SLC24A2: variants seen among roughly 807,000 people sequenced by gnomAD.
The protein encoded by SLC24A2 is solute carrier family 24 member 2, also known as sodium/potassium/calcium exchanger 2.
A neutral mutation model predicts 62.0 loss-of-function variants in SLC24A2; 36 were observed. The observed-to-expected ratio is 0.58, with a 90% CI of 0.44 to 0.77. SLC24A2 has a LOEUF of 0.77. SLC24A2 is among the 30% of genes least tolerant of loss of function. SLC24A2 has a pLI of 0.00. For synonymous variants in SLC24A2, 358 were observed against 294.0 expected (o/e 1.22, Z -2.23); for missense variants, 846 against 817.9 (o/e 1.03, Z -0.42).
intron 2 of SLC24A2, among the ~76,000 whole-genome samples, chr9:19,733,722 C>A (rs1350320953): frequency 6.6e-6 from 1 of 152,128 alleles, no homozygotes; most frequent in African/African-American, 2.4e-5. Context: ...CTCTGGACCC[C>A]TGATTTTCTC....
intron 2 of SLC24A2, among the ~76,000 whole-genome samples, chr9:19,778,592 G>A (rs1050132262): frequency 1.3e-5 from 2 of 152,138 alleles, no homozygotes; most frequent in African/African-American, 2.4e-5. Flanking sequence ...GCACAGGCTC[G>A]CTCATACGGG....
chr9:20,157,936 T>A, the SLC24A2 span, among the ~76,000 whole-genome samples: 1 of 151,534 alleles, frequency 6.6e-6, no homozygotes, highest in Admixed American at 6.6e-5. Flanking sequence ...AACCCAGTGC[T>A]ATGCAAAGAT....
the SLC24A2 span, among the ~76,000 whole-genome samples, chr9:19,828,705 G>T: frequency 6.6e-6 from 1 of 152,176 alleles, no homozygotes; most frequent in East Asian, 1.9e-4. Context: ...TTGGACAGCT[G>T]CAAGGAATTA....
the SLC24A2 span, among the ~76,000 whole-genome samples, chr9:20,130,517 G>C: frequency 6.6e-6 from 1 of 151,928 alleles, no homozygotes; most frequent in East Asian, 1.9e-4. Context: ...GGCAGGAAAG[G>C]CTTTGGGTTG....
chr9:20,081,782 T>A, the SLC24A2 span, among the ~76,000 whole-genome samples: 2 of 152,120 alleles, frequency 1.3e-5, no homozygotes, highest in Admixed American at 1.3e-4. Flanking sequence ...TGGCCTATAT[T>A]TTTCATATTC....
Position 19,786,598 on chromosome 9 carries a change from A to G in SLC24A2, c.269T>C (p.Leu90Ser). Residue 90 changes from leucine (L) to serine (S), a missense_variant, in exon 2 of 11, where the codon TTA (leucine) becomes TCA (serine). Coordinates refer to ENST00000341998, the MANE Select transcript of SLC24A2 (RefSeq NM_020344.4). The surrounding 1 kb of genome is among the most constrained non-coding windows in gnomAD (Gnocchi z 5.0). ...AGTATAATCCAGAATCTTGTCATTT[A>G]AATCTAAGAGAGTTCTCTGATGGTA... ...QGYHQRTLLDLNDKILDYTPQ... is the reference protein window; with the variant it reads ...QGYHQRTLLDSNDKILDYTPQ... 6.2e-7 allele frequency: 1 copy of G among 1,614,178 alleles called. No individual in the cohort carries two copies. The highest frequency in any genetic ancestry group is 1.1e-5 in the South Asian group (1 of 91,084).
At position 19,714,325 on chromosome 9, in the gene SLC24A2, G is replaced by A. The variant is rs532331946; in HGVS notation, c.930+71612C>T. On this transcript the variant is annotated intron_variant, in intron 2 of 10. Transcript: ENST00000341998. ...CTCTTCCAGATGGGGTGCAGCACTC[G>A]CAGAACCATAAAGGCAGCATCCCAA... Among the ~76,000 whole-genome samples the A allele has an allele frequency of 9.9e-5, 15 of 152,272 alleles. No homozygotes were observed. The South Asian group carries it at 2.5e-3, about 25-fold the overall frequency.
chr9:19,946,586 T>C, the SLC24A2 span, among the ~76,000 whole-genome samples: 9 of 152,140 alleles, frequency 5.9e-5, no homozygotes, highest in Non-Finnish European at 4.4e-5. Context: ...ATGCAGACAG[T>C]TTCCAGACAG....
intron 2 of SLC24A2, among the ~76,000 whole-genome samples, chr9:19,653,597 A>C (rs1038762739): frequency 3.3e-5 from 5 of 152,222 alleles, no homozygotes; most frequent in Non-Finnish European, 7.3e-5. Context: ...TATGCTGACA[A>C]GCTTGATATA....
At chr9:20,087,693 G>A in the SLC24A2 span, among the ~76,000 whole-genome samples, 3 of 152,170 alleles carry the variant, frequency 2.0e-5, no homozygotes, top group Non-Finnish European at 4.4e-5. Context: ...TTGGAGGCTG[G>A]CCAAGATGGC....
the SLC24A2 span, among the ~76,000 whole-genome samples, chr9:19,853,030 A>G: frequency 2.0e-5 from 3 of 152,028 alleles, no homozygotes; most frequent in Non-Finnish European, 2.9e-5. Flanking sequence ...GAGGTCCTTC[A>G]CTTCCCTTGT....
chr9:19,605,844 G>A (rs528642815), intron 4 of SLC24A2, among the ~76,000 whole-genome samples: 23 of 152,336 alleles, frequency 1.5e-4, no homozygotes, highest in Non-Finnish European at 2.8e-4. Flanking sequence ...AGGAAGCTGA[G>A]TTACAGAGAA....
chr9:20,220,238 G>A, the SLC24A2 span, among the ~76,000 whole-genome samples: 1 of 152,066 alleles, frequency 6.6e-6, no homozygotes, highest in Non-Finnish European at 1.5e-5. Flanking sequence ...TAGAGAAATG[G>A]AAGTCATTCT....
chr9:19,856,577 C>A, the SLC24A2 span, among the ~76,000 whole-genome samples: 13 of 152,266 alleles, frequency 8.5e-5, no homozygotes, highest in Admixed American at 7.9e-4. Context: ...AGGGTCCACT[C>A]CAGACCCTAT....
the SLC24A2 span, among the ~76,000 whole-genome samples, chr9:19,991,050 A>G: frequency 6.6e-6 from 1 of 151,396 alleles, no homozygotes; most frequent in Admixed American, 6.6e-5. Context: ...ACATACATAC[A>G]TACATACATA....
chr9:19,735,878 G>A (rs1418109307), intron 2 of SLC24A2, among the ~76,000 whole-genome samples: 1 of 151,894 alleles, frequency 6.6e-6, no homozygotes, highest in East Asian at 1.9e-4. Flanking sequence ...GGAAGGGGGA[G>A]GATAGCATTA....
the SLC24A2 span, among the ~76,000 whole-genome samples, chr9:20,167,753 C>G: frequency 2.0e-5 from 3 of 151,982 alleles, 1 homozygote; most frequent in African/African-American, 7.2e-5. Context: ...TGGGTCTCAC[C>G]TTTTCACTCA....
the SLC24A2 span, among the ~76,000 whole-genome samples, chr9:20,223,982 A>T: frequency 6.6e-6 from 1 of 152,060 alleles, no homozygotes; most frequent in Non-Finnish European, 1.5e-5. Flanking sequence ...GGAGAGAAAA[A>T]GTGAGAGAGT....
the SLC24A2 span, among the ~76,000 whole-genome samples, chr9:20,293,057 G>C: frequency 6.6e-6 from 1 of 152,122 alleles, no homozygotes; most frequent in African/African-American, 2.4e-5. Context: ...ATCAATCTCT[G>C]CCTTGATCTT....
Sources: allele counts gnomAD v4.1 joint callset (sites outside exome capture counted in the v4.1 genomes callset), GRCh38; gene constraint gnomAD v4.1.1; non-coding constraint Gnocchi (gnomAD v3.1); transcripts MANE v1.5; gene names NCBI Gene and HGNC (gene_info 2026-07-23, HGNC 2026-07-21).